GOLGA3: variants seen among roughly 807,000 people sequenced by gnomAD.
GOLGA3 encodes the protein golgin A3.
GOLGA3 carries 75 observed loss-of-function variants against 169.4 expected under a neutral mutation model. That is an observed-to-expected ratio of 0.44 (90% CI 0.37 to 0.54). The LOEUF is 0.54. Ranked by LOEUF, GOLGA3 falls within the 20% of genes least tolerant of loss-of-function variation. The pLI is 0.00. For synonymous variants in GOLGA3, 824 were observed against 822.4 expected, an observed-to-expected ratio of 1.00 and a Z score of -0.03; for missense variants, 1,899 against 1,930.0, an observed-to-expected ratio of 0.98 and a Z score of 0.30.
intron 12 of GOLGA3, among the ~76,000 whole-genome samples, chr12:132,790,128 G>A (rs1242069958): frequency 1.3e-5 from 2 of 152,012 alleles, no homozygotes; most frequent in Non-Finnish European, 2.9e-5. Context: ...TCAGGAGATT[G>A]AGACCATCCT....
chr12:132,825,801 T>C (rs879211422), intron 1 of GOLGA3: 9 of 1,246,218 alleles, frequency 7.2e-6, no homozygotes, highest in East Asian at 4.6e-5. Flanking sequence ...GAGAAGCTCC[T>C]GCGGTACTAC....
chr12:132,790,325 C>A (rs964797462), intron 12 of GOLGA3, among the ~76,000 whole-genome samples: 1 of 152,074 alleles, frequency 6.6e-6, no homozygotes, highest in African/African-American at 2.4e-5. Context: ...CAGAGCGAGA[C>A]TTCATCTCAA....
intron 3 of GOLGA3, 49 bp from the exon 4 acceptor site, chr12:132,813,468 A>G: frequency 9.9e-7 from 1 of 1,012,246 alleles, no homozygotes; most frequent in Non-Finnish European, 1.5e-6. Context: ...ACCAGGATGC[A>G]GAACAATCAG....
chr12:132,773,609 T>C (rs1184511360), intron 23 of GOLGA3, among the ~76,000 whole-genome samples: 1 of 152,234 alleles, frequency 6.6e-6, no homozygotes, highest in African/African-American at 2.4e-5. Context: ...TCGCTCAGCC[T>C]CAGGCTGCCA....
intron 2 of GOLGA3, among the ~76,000 whole-genome samples, chr12:132,819,408 A>AGTCCCAGCTACTT (rs1186054327): frequency 6.6e-6 from 1 of 152,198 alleles, no homozygotes; most frequent in Non-Finnish European, 1.5e-5. Flanking sequence ...GGGCGCCTAT[A>AGTCCCAGCTACTT]GTCCCAGCTA....
rs2044810535 is a variant in GOLGA3, at chr12:132,769,663, G to A, written c.*3442C>T. On this transcript the variant is annotated 3_prime_UTR_variant, in exon 24 of 24. Transcript: ENST00000450791. ...AGTAGTGACATCGTGAAGTGCCCTA[G>A]CCTGTTGTGACACACGGTGTGGGGA... 6.6e-6 allele frequency: 1 copy of A among 152,212 alleles called. No homozygotes were observed. Among genetic ancestry groups the A allele is most frequent in the Admixed American group, 6.6e-5 (1 of 15,258 alleles). The allele number at this position is 152,212 out of a possible 1,614,324, so 9.4% of individuals were successfully genotyped here.
At chr12:132,815,367 G>A (rs769414421) in intron 3 of GOLGA3, among the ~76,000 whole-genome samples, 42 of 152,302 alleles carry the variant, frequency 2.8e-4, no homozygotes, top group Non-Finnish European at 5.3e-4. Context: ...TAGACCCAGC[G>A]CTGCTGCCCC....
At chr12:132,782,572 CA>C in intron 16 of GOLGA3, 79 bp from the exon 17 acceptor site, 1 of 1,175,032 alleles carries the variant, frequency 8.5e-7, no homozygotes, top group Non-Finnish European at 1.3e-6. Flanking sequence ...GGTGAGTTTT[CA>C]ACAAGAAACA....
intron 23 of GOLGA3, 143 bp from the exon 24 acceptor site, chr12:132,773,437 T>TGATA: frequency 2.4e-6 from 1 of 421,910 alleles, no homozygotes; most frequent in South Asian, 6.3e-5. Context: ...CCACAGAAGC[T>TGATA]CAGCTGTTCT....
chr12:132,774,797 C>T (rs1391236793), intron 22 of GOLGA3: 9 of 467,084 alleles, frequency 1.9e-5, no homozygotes, highest in East Asian at 1.4e-4. Context: ...GGATGTGGAC[C>T]GAGCACAGAA....
At position 132,796,920 on chromosome 12, in the gene GOLGA3, G is replaced by T. The variant is rs936683710; in HGVS notation, c.1939-220C>A. Among the ~76,000 whole-genome samples, 4 of 152,268 alleles carry T rather than the reference G, an allele frequency of 2.6e-5. No homozygotes were observed. The East Asian group carries it at 7.7e-4, about 29-fold the overall frequency. ...GCCCAGCCCAGGCCAGCAACCCCGT[G>T]AGAAGGACTTGGACCCACTGGTGAG... On this transcript the variant is annotated intron_variant, in intron 9 of 23. Coordinates refer to ENST00000450791, the MANE Select transcript of GOLGA3 (RefSeq NM_001389683.1).
intron 18 of GOLGA3, among the ~76,000 whole-genome samples, chr12:132,779,646 G>A (rs1454764349): frequency 6.6e-6 from 1 of 152,174 alleles, no homozygotes; most frequent in Non-Finnish European, 1.5e-5. Context: ...TTTCTCTAGA[G>A]ACAACCAGTT....
intron 2 of GOLGA3, 42 bp from the exon 3 acceptor site, chr12:132,816,854 C>T: frequency 6.5e-7 from 1 of 1,527,636 alleles, no homozygotes; most frequent in South Asian, 1.3e-5. Context: ...GCTTTAACAA[C>T]AAGGTGACGT....
intron 6 of GOLGA3, among the ~76,000 whole-genome samples, chr12:132,805,870 G>C (rs1014112421): frequency 2.0e-5 from 3 of 152,168 alleles, no homozygotes; most frequent in Non-Finnish European, 4.4e-5. Flanking sequence ...GACGTGTAGA[G>C]GGACCCCTGA....
At chr12:132,795,182 T>C (rs1458077289) in intron 11 of GOLGA3, among the ~76,000 whole-genome samples, 1 of 110,764 alleles carries the variant, frequency 9.0e-6, no homozygotes, top group East Asian at 3.2e-4. Flanking sequence ...TGAGACTCCA[T>C]CTCAAAAAAA....
chr12:132,789,336 G>T (rs570831765), intron 12 of GOLGA3, 46 bp from the exon 13 acceptor site: 12 of 1,499,854 alleles, frequency 8.0e-6, no homozygotes, highest in African/African-American at 2.8e-5. Context: ...GGCGGGGCGT[G>T]GGGGGCGTAC....
chr12:132,825,543 A>T (rs1459484188), intron 1 of GOLGA3, among the ~76,000 whole-genome samples: 2 of 152,240 alleles, frequency 1.3e-5, no homozygotes, highest in Non-Finnish European at 1.5e-5. Context: ...TTCCAAAACA[A>T]AATGATTAAG....
intron 1 of GOLGA3, among the ~76,000 whole-genome samples, chr12:132,823,167 G>C (rs2136798421): frequency 6.6e-6 from 1 of 152,350 alleles, no homozygotes; most frequent in Non-Finnish European, 1.5e-5. Flanking sequence ...TCACGGCAGG[G>C]CCCGTTCCCG....
chr12:132,825,682 T>A, intron 1 of GOLGA3: 1 of 1,080,008 alleles, frequency 9.3e-7, no homozygotes, highest in Non-Finnish European at 1.4e-6. Flanking sequence ...AAGAGCACCT[T>A]TTTTCAGTGG....
Sources: allele counts gnomAD v4.1 joint callset (sites outside exome capture counted in the v4.1 genomes callset), GRCh38; gene constraint gnomAD v4.1.1; transcripts MANE v1.5; gene names NCBI Gene and HGNC (gene_info 2026-07-23, HGNC 2026-07-21).